TMEM168: variants seen among roughly 807,000 people sequenced by gnomAD.
TMEM168 encodes the protein transmembrane protein 168.
In TMEM168, 40 loss-of-function variants were observed where a neutral mutation model predicts 53.2. That is an observed-to-expected ratio of 0.75 (90% CI 0.58 to 0.98). The LOEUF (loss-of-function observed/expected upper bound fraction) is 0.98, where lower values mean the gene tolerates loss of function less well. Among genes scored for constraint, TMEM168 ranks in the 50% least tolerant of loss-of-function variants. TMEM168 has a pLI of 0.00. For synonymous variants in TMEM168, 282 were observed against 293.0 expected, an observed-to-expected ratio of 0.96 and a Z score of 0.38; for missense variants, 771 against 828.8, an observed-to-expected ratio of 0.93 and a Z score of 0.86.
intron 1 of TMEM168, among the ~76,000 whole-genome samples, chr7:112,786,212 C>CA (rs1279159958): frequency 4.6e-5 from 7 of 151,612 alleles, no homozygotes; most frequent in East Asian, 1.9e-4. Flanking sequence ...CAAAAATAAA[C>CA]AAAAAAAACC....
At position 112,783,755 on chromosome 7, in the gene TMEM168, C is replaced by T; in HGVS notation, c.1071G>A (p.Glu357=). ...CAAGAAGACTAAAGAACACCAACTGCTCTGAAATCAAGCAAAAATGGCGCA... is the reference window on the plus strand; with the variant it reads ...CAAGAAGACTAAAGAACACCAACTGTTCTGAAATCAAGCAAAAATGGCGCA... The part of the protein sequence containing the change: ...KGMRHFCLIS[E]QLVFFSLLAT... Residue 357 remains glutamate (E), a synonymous_variant, in exon 2 of 5, where the codon GAG becomes GAA. Transcript: ENST00000312814. 6.3e-7 allele frequency: 1 copy of T among 1,577,384 alleles called. No homozygotes were observed. The highest frequency in any genetic ancestry group is 8.6e-7 in the Non-Finnish European group (1 of 1,164,868).
chr7:112,784,086 G>C lies in TMEM168; in HGVS notation c.740C>G (p.Ser247Ter). Residue 247 changes from serine to a stop codon, truncating the protein, a stop_gained, in exon 2 of 5, where the codon TCA becomes TGA. Coordinates refer to ENST00000312814, the MANE Select transcript of TMEM168 (RefSeq NM_022484.6). LOFTEE classifies it high-confidence loss of function. ...AAAGGGTTTCCATCTTTCAGTTACT[G>C]AAAGTCCACTAAAATAAATGTCAAG... ...PFLDIYFSGL[S>*]VTERWKPFLY... The C allele has an allele frequency of 6.2e-7, 1 of 1,612,922 alleles. No homozygotes were observed. The highest frequency in any genetic ancestry group is 8.5e-7 in the Non-Finnish European group (1 of 1,179,796).
chr7:112,766,807 G>C lies in TMEM168; in HGVS notation c.*390C>G, dbSNP rs1303720040. Reference sequence around the variant, plus strand: ...GTAAACTGGTAGTTTTCTTAAAACAGTAAACAAATTTATCTGGTCTACATT... The same window carrying C: ...GTAAACTGGTAGTTTTCTTAAAACACTAAACAAATTTATCTGGTCTACATT... On this transcript the variant is annotated 3_prime_UTR_variant, in exon 5 of 5. Coordinates refer to ENST00000312814, the MANE Select transcript of TMEM168 (RefSeq NM_022484.6). 1 of 159,476 alleles carries C rather than the reference G, an allele frequency of 6.3e-6. No homozygotes were observed. Among genetic ancestry groups the C allele is most frequent in the Admixed American group, 6.4e-5 (1 of 15,746 alleles). The allele number at this position is 159,476 out of a possible 1,614,324, so 9.9% of individuals were successfully genotyped here. A position where few individuals can be genotyped will look rare whatever the true frequency, so the allele number is the denominator to read the frequency against.
chr7:112,764,350 C>T lies in TMEM168; in HGVS notation c.*2847G>A, dbSNP rs1401942226. On this transcript the variant is annotated 3_prime_UTR_variant, in exon 5 of 5. Coordinates refer to ENST00000312814, the MANE Select transcript of TMEM168 (RefSeq NM_022484.6). ...GGTAAAGTTTTGCCCTAAAATAATT[C>T]CTTTCACTCCAAGCAACTCTTTCTT... 3.3e-5 allele frequency: 5 copies of T among 151,924 alleles called. No homozygotes were observed. In the South Asian group the frequency reaches 6.2e-4, roughly 19 times the overall value. The allele number at this position is 151,924 out of a possible 1,614,324, so 9.4% of individuals were successfully genotyped here.
chr7:112,787,653 G>T (rs566557934), intron 1 of TMEM168, among the ~76,000 whole-genome samples: 88 of 148,330 alleles, frequency 5.9e-4, no homozygotes, highest in African/African-American at 2.1e-3. Context: ...GACCTCAGGT[G>T]ATCCACCCGC....
At chr7:112,789,969 C>G (rs1334864107) in intron 1 of TMEM168, among the ~76,000 whole-genome samples, 191 bp downstream of exon 1, 1 of 152,182 alleles carries the variant, frequency 6.6e-6, no homozygotes, top group East Asian at 1.9e-4. Flanking sequence ...AGGGGGAACC[C>G]TTGCGAAATA....
chr7:112,789,845 T>A (rs1562873183), intron 1 of TMEM168, among the ~76,000 whole-genome samples: 1 of 152,214 alleles, frequency 6.6e-6, no homozygotes, highest in Non-Finnish European at 1.5e-5. Flanking sequence ...GCAACAGCAA[T>A]TTCTCTCCCT....
rs1294734312 is a variant in TMEM168 at position 112,775,263 on chromosome 7, A to G, written c.1184T>C (p.Met395Thr). The G allele has an allele frequency of 1.9e-6, 3 of 1,613,734 alleles. No individual in the cohort carries two copies. The highest frequency in any genetic ancestry group is 2.7e-5 in the African/African-American group (2 of 75,038). ...MFLIVLPLESMAHGLFHELGN... is the reference protein window; with the variant it reads ...MFLIVLPLESTAHGLFHELGN... ...CAATTCATGGAAGAGCCCATGAGCC[A>G]TGGATTCCAATGGCAAAACGATTAG... Residue 395 changes from methionine (M) to threonine (T), a missense_variant, in exon 3 of 5, where the codon ATG becomes ACG. Coordinates refer to ENST00000312814, the MANE Select transcript of TMEM168 (RefSeq NM_022484.6).
intron 4 of TMEM168, among the ~76,000 whole-genome samples, chr7:112,769,080 T>C (rs755117489): frequency 5.9e-5 from 9 of 152,132 alleles, no homozygotes; most frequent in Non-Finnish European, 8.8e-5. Context: ...GACCCAACAT[T>C]TTCCCCAAAT....
intron 2 of TMEM168, among the ~76,000 whole-genome samples, chr7:112,783,041 T>A (rs1027364687): frequency 6.6e-6 from 1 of 152,248 alleles, no homozygotes; most frequent in Non-Finnish European, 1.5e-5. Context: ...AATGGAAGAC[T>A]GGGTTTGTTA....
intron 3 of TMEM168, among the ~76,000 whole-genome samples, chr7:112,773,428 AC>A (rs1438544114): frequency 6.0e-5 from 9 of 150,560 alleles, no homozygotes; most frequent in African/African-American, 1.5e-4. Context: ...TATTAAAAAA[AC>A]TTCTTTAAAA....
In TMEM168 at chr7:112,763,657, AAG is replaced by A. The variant is rs1792707079; in HGVS notation, c.*3538_*3539del. The A allele has an allele frequency of 6.6e-6, 1 of 152,174 alleles. No individual in the cohort carries two copies. Among genetic ancestry groups the A allele is most frequent in the Non-Finnish European group, 1.5e-5 (1 of 68,012 alleles). The allele number at this position is 152,174 out of a possible 1,614,324, so 9.4% of individuals were successfully genotyped here. On this transcript the variant is annotated 3_prime_UTR_variant, in exon 5 of 5. Coordinates refer to ENST00000312814, the MANE Select transcript of TMEM168 (RefSeq NM_022484.6). ...ATATTAACTATCATCACTTGTGGGA[AAG>A]TAATGTAGAATATTACTTTAAAAGA...
chr7:112,774,359 A>ATTTTTTTTTT (rs558123531), intron 3 of TMEM168, among the ~76,000 whole-genome samples: 8 of 94,252 alleles, frequency 8.5e-5, no homozygotes, highest in African/African-American at 1.2e-4. Context: ...GTGTTTTTAC[A>ATTTTTTTTTT]TTTTTTTTTT....
intron 3 of TMEM168, among the ~76,000 whole-genome samples, chr7:112,774,386 AG>A (rs1793015866): frequency 3.7e-5 from 1 of 26,828 alleles, no homozygotes; most frequent in African/African-American, 1.4e-4. Context: ...TTTTTTTTTT[AG>A]TGCTTCATAC....
At chr7:112,774,754 T>C (rs1016920569) in intron 3 of TMEM168, among the ~76,000 whole-genome samples, 1 of 152,012 alleles carries the variant, frequency 6.6e-6, no homozygotes. Flanking sequence ...CTAATTTTTG[T>C]ATTTTCAGTA....
intron 1 of TMEM168, among the ~76,000 whole-genome samples, chr7:112,789,045 C>G (rs1317743848): frequency 6.6e-6 from 1 of 152,200 alleles, no homozygotes; most frequent in Non-Finnish European, 1.5e-5. Flanking sequence ...CCTGCCTTAT[C>G]TGTTACCAGT....
intron 2 of TMEM168, chr7:112,778,161 A>G (rs1190924493): frequency 1.3e-5 from 2 of 152,260 alleles, no homozygotes; most frequent in Admixed American, 6.5e-5. Context: ...TGAGAGGGCT[A>G]TAACACACAT....
intron 1 of TMEM168, among the ~76,000 whole-genome samples, chr7:112,788,271 T>G (rs1289660445): frequency 2.0e-5 from 3 of 152,214 alleles, no homozygotes; most frequent in Non-Finnish European, 4.4e-5. Context: ...TATTTCTATG[T>G]CTTTGATTAT....
At position 112,767,396 on chromosome 7, in the gene TMEM168, C is replaced by T. The variant is rs1371233931; in HGVS notation, c.1895G>A (p.Gly632Glu). The change falls in exon 5 of 5, where the codon GGA becomes GAA. Residue 632 changes from glycine to glutamate, a missense_variant. Gly to Glu is a moderately conservative substitution (Grantham distance 98). Transcript: ENST00000312814. Reference protein sequence around the residue: ...WSDYTLHLPTGSDVAKHWMLH... With the variant: ...WSDYTLHLPTESDVAKHWMLH... ...CATCCAGTGCTTGGCCACATCGCTT[C>T]CCGTTGGCAAATGCAGAGTGTAGTC... 6.2e-7 allele frequency: 1 copy of T among 1,614,134 alleles called. No individual in the cohort carries two copies. Among genetic ancestry groups the T allele is most frequent in the Non-Finnish European group, 8.5e-7 (1 of 1,180,018 alleles).
Sources: allele counts gnomAD v4.1 joint callset (sites outside exome capture counted in the v4.1 genomes callset), GRCh38; gene constraint gnomAD v4.1.1; transcripts MANE v1.5; gene names NCBI Gene and HGNC (gene_info 2026-07-23, HGNC 2026-07-21).